The following NCOA2 variants were observed in gnomAD, a reference collection of about 807,000 sequenced individuals.
NCOA2 encodes the protein class E basic helix-loop-helix protein 75.
NCOA2 carries 21 observed loss-of-function variants against 145.1 expected under a neutral mutation model. That is an observed-to-expected ratio of 0.14 (90% confidence interval 0.10 to 0.21). NCOA2 has a LOEUF of 0.21. NCOA2 is among the 10% of genes least tolerant of loss of function. NCOA2 has a pLI of 1.00. For synonymous variants in NCOA2, 619 were observed against 637.5 expected, an observed-to-expected ratio of 0.97 and a Z score of 0.44; for missense variants, 1,472 against 1,837.6, an observed-to-expected ratio of 0.80 and a Z score of 3.64.
At chr8:70,119,367 A>G (rs1401105348) in intron 22 of NCOA2, among the ~76,000 whole-genome samples, 2 of 152,232 alleles carry the variant, frequency 1.3e-5, no homozygotes, top group African/African-American at 2.4e-5. Flanking sequence ...AGTTCCATCT[A>G]CGTTGCCACA....
rs114962906 is a variant in NCOA2 at position 70,281,637 on chromosome 8, A to G, written c.-20+15107T>C. On this transcript the variant is annotated intron_variant, in intron 2 of 22. Coordinates refer to ENST00000452400, the MANE Select transcript of NCOA2 (RefSeq NM_006540.4). ...GTAGCAGCAAAAGTAACAACACTCA[A>G]CAGAATCAGAGGCTTCCAGGAAAAG... Among the ~76,000 whole-genome samples, 569 of 152,274 alleles carry G rather than the reference A, an allele frequency of 3.7e-3. 5 individuals carry two copies. The highest frequency in any genetic ancestry group is 0.012 in the African/African-American group (510 of 41,554).
At chr8:70,396,293 C>G (rs1813666300) in intron 1 of NCOA2, among the ~76,000 whole-genome samples, 1 of 152,204 alleles carries the variant, frequency 6.6e-6, no homozygotes, top group Non-Finnish European at 1.5e-5. Context: ...CTACCTATCC[C>G]CCACAATCAA....
intron 2 of NCOA2, among the ~76,000 whole-genome samples, chr8:70,230,478 A>G (rs1264837864): frequency 6.6e-6 from 1 of 152,212 alleles, no homozygotes; most frequent in East Asian, 1.9e-4. Context: ...TGTGAATTAT[A>G]TCTCAAGAAA....
intron 1 of NCOA2, among the ~76,000 whole-genome samples, chr8:70,310,489 A>G (rs182887070): frequency 6.6e-4 from 101 of 152,312 alleles, no homozygotes; most frequent in African/African-American, 2.4e-3. Flanking sequence ...TAACTATAGT[A>G]TATAATAAAA....
intron 6 of NCOA2, among the ~76,000 whole-genome samples, chr8:70,169,074 C>T (rs1377767421): frequency 2.0e-5 from 3 of 152,104 alleles, no homozygotes; most frequent in Admixed American, 2.0e-4. Flanking sequence ...AAGTACTTGC[C>T]AACTCAGGAT....
At chr8:70,213,218 A>T (rs1746475671) in intron 4 of NCOA2, among the ~76,000 whole-genome samples, 1 of 152,148 alleles carries the variant, frequency 6.6e-6, no homozygotes, top group Admixed American at 6.5e-5. Flanking sequence ...CGTTGTTCAT[A>T]CATGCCGAAT....
intron 2 of NCOA2, among the ~76,000 whole-genome samples, chr8:70,251,522 C>T (rs1823176354): frequency 6.6e-6 from 1 of 152,170 alleles, no homozygotes; most frequent in East Asian, 1.9e-4. Context: ...AGTAAGTCGC[C>T]TTTAAAAATG....
At chr8:70,314,180 C>CAAAAAAAAAAAAAAAAAAAA (rs61028027) in intron 1 of NCOA2, among the ~76,000 whole-genome samples, 11 of 17,202 alleles carry the variant, frequency 6.4e-4, no homozygotes, top group Non-Finnish European at 6.7e-4. Flanking sequence ...ACTCTGACTC[C>CAAAAAAAAAAAAAAAAAAAA]AAAAAAAAAA....
chr8:70,144,697 C>A lies in NCOA2; in HGVS notation c.2757G>T (p.Met919Ile). Reference protein sequence around the residue: ...SPYSVIPQPGMMGNQGMIGNQ... With the variant: ...SPYSVIPQPGIMGNQGMIGNQ... Reference sequence around the variant, plus strand: ...TTCCTATCATCCCTTGATTACCCATCATTCCTGGCTGAGGTATCACTGAGT... The same window carrying A: ...TTCCTATCATCCCTTGATTACCCATAATTCCTGGCTGAGGTATCACTGAGT... The change falls in exon 13 of 23, where the codon ATG (methionine) becomes ATT (isoleucine). Residue 919 changes from methionine to isoleucine, a missense_variant. Transcript: ENST00000452400. 6.2e-7 allele frequency: 1 copy of A among 1,614,014 alleles called. No individual in the cohort carries two copies. Among genetic ancestry groups the A allele is most frequent in the Non-Finnish European group, 8.5e-7 (1 of 1,179,894 alleles).
chr8:70,397,051 T>TAAAG (rs369711567), intron 1 of NCOA2, among the ~76,000 whole-genome samples: 55 of 152,292 alleles, frequency 3.6e-4, no homozygotes, highest in African/African-American at 1.3e-3. Flanking sequence ...TGGCAAGAAT[T>TAAAG]AAAGAATGAA....
At chr8:70,185,324 A>G (rs1815938101) in intron 4 of NCOA2, among the ~76,000 whole-genome samples, 3 of 152,366 alleles carry the variant, frequency 2.0e-5, no homozygotes, top group South Asian at 2.1e-4. Flanking sequence ...CAAAAAGCTG[A>G]TAATAGAACA....
intron 12 of NCOA2, 82 bp from the exon 13 acceptor site, chr8:70,144,930 C>A: frequency 7.7e-7 from 1 of 1,290,346 alleles, no homozygotes; most frequent in Non-Finnish European, 1.1e-6. Flanking sequence ...GGGACAATGT[C>A]TGTAAAATGA....
chr8:70,277,163 T>G (rs1387859070), intron 2 of NCOA2, among the ~76,000 whole-genome samples: 1 of 152,164 alleles, frequency 6.6e-6, no homozygotes. Flanking sequence ...TTTTCCTAAT[T>G]GCTTCAGTGA....
chr8:70,185,326 A>G (rs1265782161), intron 4 of NCOA2, among the ~76,000 whole-genome samples: 2 of 152,238 alleles, frequency 1.3e-5, no homozygotes, highest in Non-Finnish European at 2.9e-5. Flanking sequence ...AAAAGCTGAT[A>G]ATAGAACACA....
the NCOA2 span, among the ~76,000 whole-genome samples, chr8:70,451,229 A>ATAT: frequency 8.8e-6 from 1 of 114,184 alleles, no homozygotes; most frequent in Non-Finnish European, 1.8e-5. Flanking sequence ...AAAAAAAAAA[A>ATAT]AAAAAAAAAT....
At chr8:70,195,340 A>G (rs1817177053) in intron 4 of NCOA2, among the ~76,000 whole-genome samples, 2 of 152,246 alleles carry the variant, frequency 1.3e-5, no homozygotes, top group South Asian at 2.1e-4. Flanking sequence ...AAAGAGCTGT[A>G]AACACTAGAG....
At chr8:70,168,166 C>T (rs1050161827) in intron 6 of NCOA2, among the ~76,000 whole-genome samples, 1 of 152,146 alleles carries the variant, frequency 6.6e-6, no homozygotes, top group African/African-American at 2.4e-5. Flanking sequence ...CCAAAGAGCC[C>T]ATGGCCACTG....
intron 2 of NCOA2, among the ~76,000 whole-genome samples, chr8:70,270,718 A>C (rs930968492): frequency 3.3e-5 from 5 of 152,208 alleles, no homozygotes; most frequent in African/African-American, 1.2e-4. Flanking sequence ...TTTAACAATA[A>C]CAACAACCAG....
At chr8:70,250,027 A>G (rs1823002799) in intron 2 of NCOA2, among the ~76,000 whole-genome samples, 1 of 151,332 alleles carries the variant, frequency 6.6e-6, no homozygotes, top group Non-Finnish European at 1.5e-5. Flanking sequence ...TGAGAGTTAA[A>G]CTGGGTGAGA....
Sources: allele counts gnomAD v4.1 joint callset (sites outside exome capture counted in the v4.1 genomes callset), GRCh38; gene constraint gnomAD v4.1.1; transcripts MANE v1.5; gene names NCBI Gene and HGNC (gene_info 2026-07-23, HGNC 2026-07-21).